Variants in KCNJ2 observed in about 807,000 individuals in gnomAD.
KCNJ2 encodes the protein potassium inwardly rectifying channel subfamily J member 2.
Under a neutral mutation model 28.4 loss-of-function variants are expected in KCNJ2, and 12 were observed. The ratio of observed to expected loss-of-function variants is 0.42; its 90% CI spans 0.27 to 0.68. The LOEUF is 0.68. Among genes scored for constraint, KCNJ2 ranks in the 30% least tolerant of loss-of-function variants. KCNJ2 has a pLI of 0.23. For missense variants in KCNJ2, 320 were observed against 551.3 expected (o/e 0.58, Z 4.20); for synonymous variants, 200 against 203.2 (o/e 0.98, Z 0.13).
chr17:70,170,739 G>A (rs565930568), intron 1 of KCNJ2, among the ~76,000 whole-genome samples: 2 of 152,128 alleles, frequency 1.3e-5, no homozygotes, highest in Non-Finnish European at 2.9e-5. Context: ...ACTTGTTAGC[G>A]TTTTCCTGCT....
intron 1 of KCNJ2, among the ~76,000 whole-genome samples, chr17:70,172,312 CAAAAAA>C (rs60636682): frequency 0.063 from 5,442 of 86,066 alleles, 381 homozygotes; most frequent in African/African-American, 0.22. Flanking sequence ...TTCTTTTTGC[CAAAAAA>C]AAAAAAAAAA....
At chr17:70,171,808 A>G (rs570918071) in intron 1 of KCNJ2, among the ~76,000 whole-genome samples, 1 of 152,350 alleles carries the variant, frequency 6.6e-6, no homozygotes, top group African/African-American at 2.4e-5. Flanking sequence ...TATGGCCTGG[A>G]TAAAAATGAT....
At position 70,174,900 on chromosome 17, in the gene KCNJ2, G is replaced by A. The variant is rs997868096; in HGVS notation, c.-140G>A. Reference sequence around the variant, plus strand: ...TAGACAGACCTTGGTAGAACCACAAGGCTCCCAGAGACACCCATCTCTCCT... The same window carrying A: ...TAGACAGACCTTGGTAGAACCACAAAGCTCCCAGAGACACCCATCTCTCCT... On this transcript the variant is annotated 5_prime_UTR_variant, in exon 2 of 2. Transcript: ENST00000243457. The A allele has an allele frequency of 9.9e-6, 8 of 807,540 alleles. No individual in the cohort carries two copies. The Admixed American group carries it at 1.4e-4, about 14-fold the overall frequency. 50.0% of individuals were successfully genotyped at this position (807,540 alleles called of 1,614,324 possible).
At chr17:70,170,579 T>C (rs964868910) in intron 1 of KCNJ2, among the ~76,000 whole-genome samples, 1 of 152,238 alleles carries the variant, frequency 6.6e-6, no homozygotes, top group Non-Finnish European at 1.5e-5. Flanking sequence ...TTTTACCTGT[T>C]AGGAAATAAG....
Position 70,174,832 on chromosome 17 carries a change from C to T in KCNJ2, c.-208C>T. The stretch of plus-strand genomic sequence containing the variant: ...TCTCTCTTTTCTTGCAGGACATGTT[C>T]TCTGGATGTCAGCTGAGTCATTAAA... On this transcript the variant is annotated 5_prime_UTR_variant, in exon 2 of 2. Coordinates refer to ENST00000243457, the MANE Select transcript of KCNJ2 (RefSeq NM_000891.3). 1 of 625,026 alleles carries T rather than the reference C, an allele frequency of 1.6e-6. No individual in the cohort carries two copies. Among genetic ancestry groups the T allele is most frequent in the Non-Finnish European group, 2.9e-6 (1 of 348,930 alleles). The allele number at this position is 625,026 out of a possible 1,614,324, so 38.7% of individuals were successfully genotyped here. A position where few individuals can be genotyped will look rare whatever the true frequency, so the allele number is the denominator to read the frequency against.
chr17:70,170,932 A>G (rs1243458047), intron 1 of KCNJ2, among the ~76,000 whole-genome samples: 1 of 152,180 alleles, frequency 6.6e-6, no homozygotes, highest in Admixed American at 6.5e-5. Flanking sequence ...TGGTCTCCAT[A>G]AGAAATATTT....
Position 70,176,401 on chromosome 17 carries a change from A to T in KCNJ2, c.*78A>T, listed in dbSNP as rs2074393743. 1.5e-6 allele frequency: 2 copies of T among 1,350,976 alleles called. No homozygotes were observed. The highest frequency in any genetic ancestry group is 2.1e-6 in the Non-Finnish European group (2 of 942,104). 83.7% of individuals were successfully genotyped at this position (1,350,976 alleles called of 1,614,324 possible). On this transcript the variant is annotated 3_prime_UTR_variant, in exon 2 of 2. Transcript: ENST00000243457. Reference sequence around the variant, plus strand: ...GAGGCCCAAAACAGTTATACAGATGACGGTACTGGTCAAGATGGGTCAAGC... The same window carrying T: ...GAGGCCCAAAACAGTTATACAGATGTCGGTACTGGTCAAGATGGGTCAAGC...
rs1555604000 is a variant in KCNJ2 at position 70,176,013 on chromosome 17, G to A, written c.974G>A (p.Arg325His). 7 of 1,613,954 alleles carry A rather than the reference G, an allele frequency of 4.3e-6. No homozygotes were observed. The highest frequency in any genetic ancestry group is 1.3e-5 in the African/African-American group (1 of 74,898). The change falls in exon 2 of 2, where the codon CGC becomes CAC. Residue 325 changes from arginine (R) to histidine (H), a missense_variant. Transcript: ENST00000243457. ...YLANEILWGH[R>H]YEPVLFEEKH... is the part of the protein sequence containing the mutation. ...GCAAATGAAATCCTGTGGGGCCACC[G>A]CTATGAGCCTGTGCTCTTTGAAGAG...
rs2052917445 is a variant in KCNJ2, at chr17:70,174,934, T to C, written c.-106T>C. Reference sequence around the variant, plus strand: ...AGACACCCATCTCTCCTCATTTTTTTGGTGTGTGTGTCTTCACCGAACATT... The same window carrying C: ...AGACACCCATCTCTCCTCATTTTTTCGGTGTGTGTGTCTTCACCGAACATT... On this transcript the variant is annotated 5_prime_UTR_variant, in exon 2 of 2. Coordinates refer to ENST00000243457, the MANE Select transcript of KCNJ2 (RefSeq NM_000891.3). The C allele has an allele frequency of 9.3e-7, 1 of 1,078,616 alleles. No homozygotes were observed. The highest frequency in any genetic ancestry group is 1.4e-6 in the Non-Finnish European group (1 of 720,066). The allele number at this position is 1,078,616 out of a possible 1,614,324, so 66.8% of individuals were successfully genotyped here.
Position 70,175,498 on chromosome 17 carries a change from A to C in KCNJ2, c.459A>C (p.Glu153Asp). The C allele has an allele frequency of 6.2e-7, 1 of 1,614,184 alleles. No homozygotes were observed. The highest frequency in any genetic ancestry group is 8.5e-7 in the Non-Finnish European group (1 of 1,180,018). ...IGYGFRCVTD[E>D]CPIAVFMVVF... ...ATGGTTTCAGATGTGTCACGGATGA[A>C]TGCCCAATTGCTGTTTTCATGGTGG... Residue 153 changes from glutamate to aspartate, a missense_variant, in exon 2 of 2, where the codon GAA (glutamate) becomes GAC (aspartate). Glu to Asp is a conservative substitution (Grantham distance 45). Coordinates refer to ENST00000243457, the MANE Select transcript of KCNJ2 (RefSeq NM_000891.3). This position sits in a 1 kb window ranked among gnomAD's most constrained non-coding sequence, Gnocchi z 8.3.
chr17:70,176,386 A>G lies in KCNJ2; in HGVS notation c.*63A>G. 2.1e-6 allele frequency: 3 copies of G among 1,446,610 alleles called. No homozygotes were observed. Among genetic ancestry groups the G allele is most frequent in the Admixed American group, 1.7e-5 (1 of 59,636 alleles). The allele number at this position is 1,446,610 out of a possible 1,614,324, so 89.6% of individuals were successfully genotyped here. A position where few individuals can be genotyped will look rare whatever the true frequency, so the allele number is the denominator to read the frequency against. On this transcript the variant is annotated 3_prime_UTR_variant, in exon 2 of 2. Coordinates refer to ENST00000243457, the MANE Select transcript of KCNJ2 (RefSeq NM_000891.3). ...ACGGTCTGTTGGTCAGAGGCCCAAAACAGTTATACAGATGACGGTACTGGT... is the reference window on the plus strand; with the variant it reads ...ACGGTCTGTTGGTCAGAGGCCCAAAGCAGTTATACAGATGACGGTACTGGT...
Position 70,169,562 on chromosome 17 carries a change from G to A in KCNJ2, c.-356G>A, listed in dbSNP as rs907899853. The A allele has an allele frequency of 2.4e-4, 37 of 152,554 alleles. No individual in the cohort carries two copies. Among genetic ancestry groups the A allele is most frequent in the African/African-American group, 8.7e-4 (36 of 41,446 alleles). The allele number at this position is 152,554 out of a possible 1,614,324, so 9.5% of individuals were successfully genotyped here. A position where few individuals can be genotyped will look rare whatever the true frequency, so the allele number is the denominator to read the frequency against. ...GCACTGGAGCCCTGGCCAGCGCGCA[G>A]CCTTCCCGGCGCCGGCGGGCTGGGT... On this transcript the variant is annotated 5_prime_UTR_variant, in exon 1 of 2. Coordinates refer to ENST00000243457, the MANE Select transcript of KCNJ2 (RefSeq NM_000891.3).
At chr17:70,170,627 A>T (rs1460672244) in intron 1 of KCNJ2, among the ~76,000 whole-genome samples, 2 of 152,210 alleles carry the variant, frequency 1.3e-5, no homozygotes, top group East Asian at 3.8e-4. Context: ...AAGAAACCAT[A>T]TTGCGTTTTA....
chr17:70,171,959 C>T (rs997188643), intron 1 of KCNJ2, among the ~76,000 whole-genome samples: 1 of 152,004 alleles, frequency 6.6e-6, no homozygotes, highest in African/African-American at 2.4e-5. Flanking sequence ...TTGATTGCAT[C>T]TCAAACATTA....
chr17:70,173,311 T>G (rs909879407), intron 1 of KCNJ2, among the ~76,000 whole-genome samples: 1 of 152,226 alleles, frequency 6.6e-6, no homozygotes, highest in Non-Finnish European at 1.5e-5. Context: ...ATTAACTGTT[T>G]AATCTTAATG....
At chr17:70,174,256 G>A (rs186865916) in intron 1 of KCNJ2, among the ~76,000 whole-genome samples, 6 of 152,028 alleles carry the variant, frequency 3.9e-5, no homozygotes, top group African/African-American at 9.7e-5. Flanking sequence ...CTAGCATTTC[G>A]TCAGCCTATC....
intron 1 of KCNJ2, among the ~76,000 whole-genome samples, chr17:70,169,985 T>C (rs754192914): frequency 3.3e-5 from 5 of 152,152 alleles, no homozygotes; most frequent in Non-Finnish European, 5.9e-5. Flanking sequence ...TAACTTCCAA[T>C]GCACCAGCTG....
At position 70,178,356 on chromosome 17, in the gene KCNJ2, C is replaced by A. The variant is rs1209419154; in HGVS notation, c.*2033C>A. 3.6e-5 allele frequency: 6 copies of A among 166,788 alleles called. No homozygotes were observed. The highest frequency in any genetic ancestry group is 2.6e-4 in the Admixed American group (4 of 15,244). The allele number at this position is 166,788 out of a possible 1,614,324, so 10.3% of individuals were successfully genotyped here. A position where few individuals can be genotyped will look rare whatever the true frequency, so the allele number is the denominator to read the frequency against. ...TGTTAAGCAAGTGGTTGTTTTAGAT[C>A]CAAATGTAAAGGCAGGTTTGGGAAG... On this transcript the variant is annotated 3_prime_UTR_variant, in exon 2 of 2. Coordinates refer to ENST00000243457, the MANE Select transcript of KCNJ2 (RefSeq NM_000891.3).
intron 1 of KCNJ2, among the ~76,000 whole-genome samples, chr17:70,172,676 C>T (rs1429404784): frequency 6.6e-6 from 1 of 152,034 alleles, no homozygotes; most frequent in Non-Finnish European, 1.5e-5. Flanking sequence ...AATGGTAACT[C>T]ACATGGAAGG....
Sources: gnomAD v4.1 joint callset for allele counts (sites outside exome capture counted in the v4.1 genomes callset) on GRCh38, gnomAD v4.1.1 for gene constraint, Gnocchi (gnomAD v3.1) non-coding constraint, MANE v1.5 for transcripts, NCBI Gene and HGNC (gene_info 2026-07-23, HGNC 2026-07-21) for gene names.